EZH1: variants seen among roughly 807,000 people sequenced by gnomAD.
EZH1 encodes the protein histone-lysine N-methyltransferase EZH1.
In EZH1, 33 loss-of-function variants were observed where a neutral mutation model predicts 100.5. The ratio of observed to expected loss-of-function variants is 0.33; its 90% CI spans 0.25 to 0.44. The LOEUF is 0.44. Ranked by LOEUF, EZH1 falls within the 20% of genes least tolerant of loss-of-function variation. EZH1 has a pLI of 1.00. For missense variants in EZH1, 475 were observed against 928.4 expected (o/e 0.51, Z 6.35); for synonymous variants, 272 against 313.8 (o/e 0.87, Z 1.41).
chr17:42,723,908 T>C (rs895900523), intron 5 of EZH1, among the ~76,000 whole-genome samples: 4 of 152,322 alleles, frequency 2.6e-5, no homozygotes, highest in Admixed American at 2.6e-4. Context: ...TCAGTTGTTT[T>C]TGTAGCATCT....
rs1032009001 is a variant in EZH1 at position 42,712,229 on chromosome 17, G to A, written c.1401+60C>T. The A allele has an allele frequency of 3.2e-6, 5 of 1,548,576 alleles. No homozygotes were observed. The African/African-American group carries it at 6.8e-5, about 21-fold the overall frequency. On this transcript the variant is annotated intron_variant, in intron 12 of 20. Coordinates refer to ENST00000428826, the MANE Select transcript of EZH1 (RefSeq NM_001991.5). ...ACACAGCCTGGTAAGATGGCAAAGG[G>A]CTGGACAGAGCAATGCGTGAAAGGA... is the stretch of plus-strand genomic sequence containing the variant.
At position 42,718,282 on chromosome 17, in the gene EZH1, A is replaced by G; in HGVS notation, c.931+172T>C. On this transcript the variant is annotated intron_variant, in intron 9 of 20. Coordinates refer to ENST00000428826, the MANE Select transcript of EZH1 (RefSeq NM_001991.5). This position sits in a 1 kb window ranked among gnomAD's most constrained non-coding sequence, Gnocchi z 4.2. ...ATAAGTTGCTAGTTAGTCTGTCCCT[A>G]TCATGCAAAGCATGTTGCACTATAA... 1.1e-6 allele frequency: 1 copy of G among 933,384 alleles called. No homozygotes were observed. The highest frequency in any genetic ancestry group is 1.6e-6 in the Non-Finnish European group (1 of 631,656). 57.8% of individuals were successfully genotyped at this position (933,384 alleles called of 1,614,324 possible).
chr17:42,717,122 T>C (rs2053620961), intron 10 of EZH1, among the ~76,000 whole-genome samples: 1 of 152,188 alleles, frequency 6.6e-6, no homozygotes, highest in Non-Finnish European at 1.5e-5. Flanking sequence ...TGTAATCCAG[T>C]TTCCTCTACC....
chr17:42,708,070 T>C lies in EZH1; in HGVS notation c.1548A>G (p.Thr516=). 6.2e-7 allele frequency: 1 copy of C among 1,606,500 alleles called. No homozygotes were observed. Among genetic ancestry groups the C allele is most frequent in the Non-Finnish European group, 8.5e-7 (1 of 1,176,950 alleles). ...CGCAGGGTTGGTAGTTGTACACTTG[T>C]GTGGAAGAGTTATCTAGGAAAGAAA... is the stretch of plus-strand genomic sequence containing the variant. The part of the protein sequence containing the change: ...KIQLKKDNSS[T]QVYNYQPCDH... The change falls in exon 15 of 21, where the codon ACA becomes ACG. Residue 516 remains threonine (T), a synonymous_variant. Transcript: ENST00000428826.
rs373112729 is a variant in EZH1 at position 42,728,849 on chromosome 17, C to G, written c.93G>C (p.Arg31=). 1.9e-6 allele frequency: 3 copies of G among 1,613,280 alleles called. No homozygotes were observed. Among genetic ancestry groups the G allele is most frequent in the Non-Finnish European group, 2.5e-6 (3 of 1,179,788 alleles). ...SEYMRLRQLK[R]LQANMGAKAL... ...CCTTTGCACCCATATTTGCCTGAAG[C>G]CGTTTAAGTTGTCGAAGTCGCATGT... Residue 31 remains arginine (R), a synonymous_variant, in exon 3 of 21, where the codon CGG becomes CGC. Transcript: ENST00000428826.
chr17:42,710,274 G>A (rs2053450168), intron 12 of EZH1, among the ~76,000 whole-genome samples: 1 of 152,186 alleles, frequency 6.6e-6, no homozygotes, highest in African/African-American at 2.4e-5. Context: ...GAAGGGCAAC[G>A]CTGTGCCTTG....
intron 15 of EZH1, among the ~76,000 whole-genome samples, chr17:42,707,081 C>G (rs971280482): frequency 1.3e-5 from 2 of 152,074 alleles, no homozygotes; most frequent in Non-Finnish European, 2.9e-5. Context: ...AGATAAGTAC[C>G]CGGATGTCTC....
intron 10 of EZH1, among the ~76,000 whole-genome samples, chr17:42,717,679 C>T (rs1010884990): frequency 1.3e-5 from 2 of 152,004 alleles, no homozygotes; most frequent in Non-Finnish European, 1.5e-5. Context: ...ACCCCCCCAG[C>T]ATACACTTTG....
chr17:42,720,237 C>T, intron 7 of EZH1, 36 bp downstream of exon 7: 1 of 1,586,136 alleles, frequency 6.3e-7, no homozygotes, highest in Non-Finnish European at 8.6e-7. Flanking sequence ...ATCCCTGTCA[C>T]TTTAAAAAAG....
chr17:42,719,033 CA>C (rs1053504411), intron 8 of EZH1, 71 bp downstream of exon 8: 125 of 1,221,814 alleles, frequency 1.0e-4, no homozygotes, highest in Non-Finnish European at 1.4e-4. Context: ...TTTTACTAAC[CA>C]AAAATTAGGA....
chr17:42,739,630 A>C (rs1026686554), intron 1 of EZH1, among the ~76,000 whole-genome samples: 2 of 151,984 alleles, frequency 1.3e-5, no homozygotes, highest in Non-Finnish European at 1.5e-5. Context: ...GGGAGGCTGA[A>C]GCAGGAGAAT....
Position 42,713,266 on chromosome 17 carries a change from T to C in EZH1, c.1147A>G (p.Thr383Ala). The change falls in exon 11 of 21, where the codon ACT becomes GCT. Residue 383 changes from threonine to alanine, a missense_variant. Coordinates refer to ENST00000428826, the MANE Select transcript of EZH1 (RefSeq NM_001991.5). The stretch of plus-strand genomic sequence containing the variant: ...TCCCTGTCACTGTCTCCTTCTTTAG[T>C]CTCAGCCACAGCAGAGGCTGAGGCA... ...SNASASAVAE[T>A]KEGDSDRDTG... 6.2e-7 allele frequency: 1 copy of C among 1,614,116 alleles called. No individual in the cohort carries two copies. The highest frequency in any genetic ancestry group is 8.5e-7 in the Non-Finnish European group (1 of 1,179,992).
In EZH1 at chr17:42,702,261, C is replaced by G. The variant is rs1273854572; in HGVS notation, c.*271G>C. 5.0e-6 allele frequency: 2 copies of G among 398,492 alleles called. No individual in the cohort carries two copies. The highest frequency in any genetic ancestry group is 4.0e-5 in the African/African-American group (2 of 50,056). The allele number at this position is 398,492 out of a possible 1,614,324, so 24.7% of individuals were successfully genotyped here. ...ATCACGCATAAGTCATCCACCCCAG[C>G]CTGTGCTCGCTTCTTCTGAGGCCAG... On this transcript the variant is annotated 3_prime_UTR_variant, in exon 21 of 21. Transcript: ENST00000428826.
rs144859903 is a variant in EZH1, at chr17:42,741,306, G to A, written c.-103+3705C>T. On this transcript the variant is annotated intron_variant, in intron 1 of 20. Transcript: ENST00000428826. ...GCCATCTCAGCTCACTGCAACCTCC[G>A]CCTTCCAGGTTCAAGGGATTCTCGT... Among the ~76,000 whole-genome samples, 19 of 152,192 alleles carry A rather than the reference G, an allele frequency of 1.2e-4. No individual in the cohort carries two copies. The East Asian group carries it at 3.7e-3, about 29-fold the overall frequency.
At chr17:42,707,306 G>A (rs1446628665) in intron 15 of EZH1, among the ~76,000 whole-genome samples, 2 of 151,890 alleles carry the variant, frequency 1.3e-5, no homozygotes, top group Non-Finnish European at 2.9e-5. Context: ...TGTTGCCCAG[G>A]CTGGAGTGCA....
chr17:42,709,703 C>G (rs1248501210), intron 13 of EZH1, 143 bp downstream of exon 13: 14 of 687,478 alleles, frequency 2.0e-5, no homozygotes, highest in Admixed American at 2.6e-5. Flanking sequence ...GAGGCTGGCT[C>G]TCAGTCATGT....
intron 7 of EZH1, 21 bp downstream of exon 7, chr17:42,720,251 TA>T: frequency 3.1e-6 from 5 of 1,600,108 alleles, no homozygotes; most frequent in Non-Finnish European, 4.3e-6. Flanking sequence ...AAAAAAGGAA[TA>T]AGGGAGCCAG....
intron 4 of EZH1, chr17:42,724,638 T>G: frequency 2.4e-6 from 1 of 424,268 alleles, no homozygotes; most frequent in Non-Finnish European, 4.4e-6. Context: ...ATACAAAAAT[T>G]AGCTGAGCAT....
chr17:42,730,031 C>T (rs528842424), intron 2 of EZH1, among the ~76,000 whole-genome samples: 1 of 152,184 alleles, frequency 6.6e-6, no homozygotes, highest in Non-Finnish European at 1.5e-5. Flanking sequence ...GAGCAAGACT[C>T]CGTCTCAAAA....
Sources: gnomAD v4.1 joint callset for allele counts (sites outside exome capture counted in the v4.1 genomes callset) on GRCh38, gnomAD v4.1.1 for gene constraint, Gnocchi (gnomAD v3.1) non-coding constraint, MANE v1.5 for transcripts, NCBI Gene and HGNC (gene_info 2026-07-23, HGNC 2026-07-21) for gene names.